Variants in FBXL13 observed in about 807,000 individuals in gnomAD.
FBXL13 encodes F-box and leucine-rich repeat protein 13.
FBXL13 carries 67 observed loss-of-function variants against 83.6 expected under a neutral mutation model. That is an observed-to-expected ratio of 0.80 (90% CI 0.66 to 0.98). FBXL13 has a LOEUF of 0.98. Ranked by LOEUF, FBXL13 falls within the 50% of genes least tolerant of loss-of-function variation. The pLI, the probability that FBXL13 is intolerant of heterozygous loss-of-function variation, is 0.00. For synonymous variants in FBXL13, 272 were observed against 299.5 expected, an observed-to-expected ratio of 0.91 and a Z score of 0.95; for missense variants, 822 against 866.5, an observed-to-expected ratio of 0.95 and a Z score of 0.64.
chr7:102,860,465 A>C (rs774892062), intron 16 of FBXL13, among the ~76,000 whole-genome samples: 2 of 152,244 alleles, frequency 1.3e-5, no homozygotes, highest in Non-Finnish European at 2.9e-5. Flanking sequence ...CTTCATGTGC[A>C]AAGTGTGAGT....
intron 16 of FBXL13, 76 bp downstream of exon 17, chr7:102,877,391 C>A: frequency 8.4e-7 from 1 of 1,196,648 alleles, no homozygotes; most frequent in Non-Finnish European, 1.1e-6. Flanking sequence ...ATTGTTCTCT[C>A]CATTATTTAC....
intron 6 of FBXL13, among the ~76,000 whole-genome samples, chr7:103,019,877 C>T (rs904704412): frequency 6.6e-6 from 1 of 152,138 alleles, no homozygotes; most frequent in Non-Finnish European, 1.5e-5. Flanking sequence ...AGATTCACAG[C>T]CGAATTCTAC....
At chr7:102,834,088 A>AAGGAAGGAAGGAAGGGAG (rs1562925880) in intron 17 of FBXL13, among the ~76,000 whole-genome samples, 2 of 61,748 alleles carry the variant, frequency 3.2e-5, no homozygotes, top group African/African-American at 1.4e-4. Flanking sequence ...AAGGAAAGAA[A>AAGGAAGGAAGGAAGGGAG]AGAAAGAAAG....
At chr7:103,021,190 C>T (rs1238643335) in intron 6 of FBXL13, among the ~76,000 whole-genome samples, 1 of 152,074 alleles carries the variant, frequency 6.6e-6, no homozygotes, top group Non-Finnish European at 1.5e-5. Flanking sequence ...ATATCTACAA[C>T]CATCTGATCT....
At chr7:102,826,712 G>T (rs1584461765) in intron 18 of FBXL13, among the ~76,000 whole-genome samples, 1 of 117,398 alleles carries the variant, frequency 8.5e-6, no homozygotes, top group East Asian at 2.4e-4. Flanking sequence ...GAGACAGAGT[G>T]AGACCCTGTC....
intron 6 of FBXL13, among the ~76,000 whole-genome samples, chr7:103,012,775 A>G (rs541913521): frequency 2.0e-5 from 3 of 152,230 alleles, no homozygotes; most frequent in African/African-American, 7.2e-5. Context: ...AGCTAACAAC[A>G]TGATGACGGG....
intron 17 of FBXL13, among the ~76,000 whole-genome samples, chr7:102,850,266 A>G (rs1016586676): frequency 1.3e-5 from 2 of 152,190 alleles, no homozygotes; most frequent in Non-Finnish European, 2.9e-5. Flanking sequence ...GAATCAAAAA[A>G]GAATGACAGA....
Position 103,066,853 on chromosome 7 carries a change from G to A in FBXL13, c.-105+7393C>T, listed in dbSNP as rs144130793. On this transcript the variant is annotated intron_variant, in intron 1 of 19. Transcript: ENST00000313221. ...ATTGCCCAGGCTGGAGTGCAATGGC[G>A]TGATCGCAGCTCACCGCAACCTTCG... Among the ~76,000 whole-genome samples, 688 of 150,118 alleles carry A rather than the reference G, an allele frequency of 4.6e-3. 3 individuals carry two copies. The highest frequency in any genetic ancestry group is 8.1e-3 in the Non-Finnish European group (550 of 67,746).
intron 11 of FBXL13, among the ~76,000 whole-genome samples, chr7:102,894,279 C>T (rs1482545363): frequency 6.6e-6 from 1 of 152,176 alleles, no homozygotes; most frequent in African/African-American, 2.4e-5. Flanking sequence ...TACAGCCTAC[C>T]TTTAAGTTTC....
intron 8 of FBXL13, chr7:102,939,631 T>C (rs201366017): frequency 4.3e-5 from 66 of 1,539,550 alleles, no homozygotes; most frequent in Non-Finnish European, 5.6e-5. Context: ...AAGTGTTCTG[T>C]GATTTTTTTC....
intron 6 of FBXL13, chr7:102,988,606 G>A (rs920096610): frequency 3.3e-5 from 5 of 152,182 alleles, no homozygotes; most frequent in African/African-American, 1.2e-4. Flanking sequence ...GAACACAGTG[G>A]GGACTTAGGA....
At chr7:102,867,695 A>ATATCTTTTT (rs1239781180) in intron 16 of FBXL13, among the ~76,000 whole-genome samples, 1 of 49,064 alleles carries the variant, frequency 2.0e-5, no homozygotes, top group African/African-American at 1.2e-4. Flanking sequence ...ATATATATAT[A>ATATCTTTTT]TTTTTTTTTT....
chr7:102,814,476 A>C (rs1163077485), intron 19 of FBXL13: 1 of 152,242 alleles, frequency 6.6e-6, no homozygotes, highest in Admixed American at 6.5e-5. Context: ...AACCAACAAC[A>C]TAGAGATAAC....
chr7:103,028,010 C>T (rs934545103), intron 4 of FBXL13, among the ~76,000 whole-genome samples: 1 of 152,072 alleles, frequency 6.6e-6, no homozygotes, highest in Non-Finnish European at 1.5e-5. Flanking sequence ...AGGTACCAAC[C>T]AAAGCCAGCC....
In FBXL13 at chr7:103,044,097, A is replaced by ATT. The variant is rs1796030073; in HGVS notation, c.-1+11546_-1+11547insAA. Reference sequence around the variant, plus strand: ...AAAATGTTGGTAGGGGGGAACCTGAATGAAATCAAGCATCTAGATTTAACT... The same window carrying ATT: ...AAAATGTTGGTAGGGGGGAACCTGAATTTGAAATCAAGCATCTAGATTTAACT... On this transcript the variant is annotated intron_variant, in intron 2 of 19. Coordinates refer to ENST00000313221, the Ensembl canonical transcript of FBXL13. Among the ~76,000 whole-genome samples, 3 of 152,350 alleles carry ATT rather than the reference A, an allele frequency of 2.0e-5. No homozygotes were observed. The South Asian group carries it at 6.2e-4, about 32-fold the overall frequency.
At chr7:102,943,496 C>A (rs1239017137) in intron 8 of FBXL13, among the ~76,000 whole-genome samples, 1 of 152,100 alleles carries the variant, frequency 6.6e-6, no homozygotes, top group South Asian at 2.1e-4. Flanking sequence ...AAAAACAAAA[C>A]CTTCTATCAA....
intron 11 of FBXL13, among the ~76,000 whole-genome samples, chr7:102,892,631 T>G (rs909708929): frequency 6.6e-6 from 1 of 152,204 alleles, no homozygotes; most frequent in African/African-American, 2.4e-5. Flanking sequence ...CCTTATTAAA[T>G]GATACTTAAA....
intron 11 of FBXL13, among the ~76,000 whole-genome samples, chr7:102,909,377 C>G (rs1211117733): frequency 6.6e-6 from 1 of 152,098 alleles, no homozygotes. Context: ...AAGAACCTGC[C>G]TCGGTGCTCT....
chr7:102,847,837 A>G (rs1007509914), intron 17 of FBXL13, among the ~76,000 whole-genome samples: 1 of 151,992 alleles, frequency 6.6e-6, no homozygotes, highest in Non-Finnish European at 1.5e-5. Context: ...CCAACAAACC[A>G]ATTTTTATTA....
Sources: allele counts gnomAD v4.1 joint callset (sites outside exome capture counted in the v4.1 genomes callset), GRCh38; gene constraint gnomAD v4.1.1; transcripts MANE v1.5; gene names NCBI Gene and HGNC (gene_info 2026-07-23, HGNC 2026-07-21).